Variants in SMARCA1 observed in about 807,000 individuals in gnomAD.
SMARCA1 encodes SNF2 related chromatin remodeling ATPase 1, also known as SWI/SNF-related matrix-associated actin-dependent regulator of chromatin subfamily A member 1.
In SMARCA1, 17 loss-of-function variants were observed where a neutral mutation model predicts 93.6. The observed-to-expected ratio is 0.18, with a 90% CI of 0.12 to 0.27. SMARCA1 has a LOEUF of 0.27. Among genes scored for constraint, SMARCA1 ranks in the 10% least tolerant of loss-of-function variants. The pLI is 1.00. For missense variants in SMARCA1, 630 were observed against 819.0 expected, an observed-to-expected ratio of 0.77 and a Z score of 2.82; for synonymous variants, 271 against 271.4, an observed-to-expected ratio of 1.00 and a Z score of 0.01.
chrX:129,502,473 C>T (rs982242977), intron 9 of SMARCA1, among the ~76,000 whole-genome samples: 2 of 111,485 alleles, frequency 1.8e-5, no homozygotes, highest in Admixed American at 1.9e-4. Flanking sequence ...AAAGCAATAG[C>T]CAAGATACTG....
chrX:129,495,901 T>A (rs1029571703), intron 12 of SMARCA1, among the ~76,000 whole-genome samples: 4 of 105,343 alleles, frequency 3.8e-5, no homozygotes, highest in Non-Finnish European at 7.8e-5. Flanking sequence ...GCCTCCTGAG[T>A]AGCTGGGATT....
chrX:129,523,152 A>G, intron 1 of SMARCA1, 45 bp downstream of exon 1: 1 of 1,188,096 alleles, frequency 8.4e-7, no homozygotes, highest in East Asian at 3.0e-5. Context: ...CAGAGGGGCC[A>G]GGCACAGGAT....
At chrX:129,451,414 G>A (rs1024803331) in intron 23 of SMARCA1, among the ~76,000 whole-genome samples, 1 of 111,126 alleles carries the variant, frequency 9.0e-6, no homozygotes, top group African/African-American at 3.3e-5. Context: ...AGTTGCTTGT[G>A]ACTGGAGATA....
intron 23 of SMARCA1, among the ~76,000 whole-genome samples, chrX:129,453,389 G>A (rs1371455316): frequency 9.0e-6 from 1 of 111,432 alleles, no homozygotes; most frequent in East Asian, 2.8e-4. Flanking sequence ...ACAAGAGAGA[G>A]ACAAGGATGC....
chrX:129,488,671 T>C, intron 16 of SMARCA1, among the ~76,000 whole-genome samples: 1 of 108,652 alleles, frequency 9.2e-6, no homozygotes, highest in Non-Finnish European at 1.9e-5. Flanking sequence ...AAAATTTACT[T>C]GGCTTTTAGA....
chrX:129,481,304 C>G, intron 17 of SMARCA1, 119 bp from the exon 18 acceptor site: 1 of 474,151 alleles, frequency 2.1e-6, no homozygotes, highest in Non-Finnish European at 3.6e-6. Context: ...AGAATCAAAA[C>G]TTGCCTTATA....
chrX:129,509,239 A>G (rs1013232008), intron 6 of SMARCA1, among the ~76,000 whole-genome samples: 4 of 111,232 alleles, frequency 3.6e-5, no homozygotes, highest in Non-Finnish European at 7.5e-5. Flanking sequence ...GCATAAACAA[A>G]ATTAACTGTT....
chrX:129,504,549 TAAAAAAAAAAAAAAA>T (rs780225300), intron 9 of SMARCA1, among the ~76,000 whole-genome samples, 170 bp downstream of exon 9: 21 of 24,205 alleles, frequency 8.7e-4, no homozygotes, highest in African/African-American at 2.6e-3. Context: ...CATAGAGGAA[TAAAAAAAAAAAAAAA>T]AAAAAAAAAA....
rs781230500 is a variant in SMARCA1 at position 129,490,108 on chromosome X, C to G, written c.1900G>C (p.Glu634Gln). The G allele has an allele frequency of 8.4e-7, 1 of 1,188,590 alleles. No homozygotes were observed. Among genetic ancestry groups the G allele is most frequent in the Admixed American group, 2.2e-5 (1 of 45,875 alleles). ...AGTCTCAGTTTTATCTCAGCTCTTTCTACAATCCTCTCTTCAACAGTGTTG... is the reference window on the plus strand; with the variant it reads ...AGTCTCAGTTTTATCTCAGCTCTTTGTACAATCCTCTCTTCAACAGTGTTG... The part of the protein sequence containing the change: ...TDNTVEERIV[E>Q]RAEIKLRLDS... The change falls in exon 15 of 25, where the codon GAA becomes CAA. Residue 634 changes from glutamate to glutamine, a missense_variant. Glu to Gln is a conservative substitution (Grantham distance 29, BLOSUM62 2). Around this residue, in one of 4 missense-constraint regions of SMARCA1, gnomAD observed 382 missense variants for 537.9 expected, o/e 0.71. Coordinates refer to ENST00000371121, the MANE Select transcript of SMARCA1 (RefSeq NM_001282874.2).
chrX:129,512,617 G>A (rs1409461541), intron 5 of SMARCA1, among the ~76,000 whole-genome samples: 1 of 111,741 alleles, frequency 8.9e-6, no homozygotes, highest in African/African-American at 3.2e-5. Flanking sequence ...AGGGAACTAA[G>A]TCCTTTTTCG....
intron 24 of SMARCA1, among the ~76,000 whole-genome samples, chrX:129,447,991 A>T (rs1420062694): frequency 9.0e-6 from 1 of 110,754 alleles, no homozygotes; most frequent in Non-Finnish European, 1.9e-5. Context: ...TCCTAGTTTC[A>T]ACTTCAGCCC....
chrX:129,476,801 T>C (rs1222674204), intron 19 of SMARCA1, among the ~76,000 whole-genome samples: 2 of 111,685 alleles, frequency 1.8e-5, no homozygotes, highest in Non-Finnish European at 3.8e-5. Flanking sequence ...TGAGAAGATA[T>C]GTCTAACGGT....
chrX:129,521,188 A>G (rs1189464064), intron 1 of SMARCA1, among the ~76,000 whole-genome samples: 3 of 111,937 alleles, frequency 2.7e-5, no homozygotes, highest in Admixed American at 9.5e-5. Flanking sequence ...GCCCGGCTGG[A>G]AAAATTATTT....
chrX:129,451,681 C>G (rs1268958168), intron 23 of SMARCA1, among the ~76,000 whole-genome samples: 1 of 107,027 alleles, frequency 9.3e-6, no homozygotes, highest in Non-Finnish European at 1.9e-5. Context: ...ATGTCATGTT[C>G]TCTATAGATA....
intron 9 of SMARCA1, among the ~76,000 whole-genome samples, chrX:129,503,661 G>A (rs1017894783): frequency 2.7e-5 from 3 of 111,257 alleles, no homozygotes; most frequent in Non-Finnish European, 3.8e-5. Context: ...GAGAAATTGC[G>A]ATCAAAGAAT....
At chrX:129,447,736 C>A (rs1384018775) in intron 24 of SMARCA1, among the ~76,000 whole-genome samples, 2 of 111,531 alleles carry the variant, frequency 1.8e-5, no homozygotes, top group Non-Finnish European at 3.8e-5. Flanking sequence ...CTGTGTCTTA[C>A]AATGGAAGGC....
chrX:129,468,757 C>A lies in SMARCA1; in HGVS notation c.2698+16G>T. 2 of 1,128,621 alleles carry A rather than the reference C, an allele frequency of 1.8e-6. No homozygotes were observed. Among genetic ancestry groups the A allele is most frequent in the South Asian group, 2.1e-5 (1 of 46,835 alleles). The allele number at this position is 1,128,621 out of a possible 1,213,427, so 93.0% of individuals were successfully genotyped here. A position where few individuals can be genotyped will look rare whatever the true frequency, so the allele number is the denominator to read the frequency against. On this transcript the variant is annotated intron_variant, in intron 21 of 24. Transcript: ENST00000371121. ...AACGTTAAAATACAACACCATGTTT[C>A]AAATTATATACAAACCTGAATACTC...
At position 129,447,149 on chromosome X, in the gene SMARCA1, T is replaced by G; in HGVS notation, c.*13A>C. 1 of 1,140,699 alleles carries G rather than the reference T, an allele frequency of 8.8e-7. No homozygotes were observed. The highest frequency in any genetic ancestry group is 1.2e-6 in the Non-Finnish European group (1 of 862,728). The allele number at this position is 1,140,699 out of a possible 1,213,427, so 94.0% of individuals were successfully genotyped here. ...AAATAGCAGTTTCCCATTTAAAACT[T>G]TATTTCTAGGCTTTAGGATTTCACC... On this transcript the variant is annotated 3_prime_UTR_variant, in exon 25 of 25. Transcript: ENST00000371121.
intron 2 of SMARCA1, among the ~76,000 whole-genome samples, chrX:129,518,109 C>A (rs760077633): frequency 1.8e-5 from 2 of 111,387 alleles, no homozygotes; most frequent in South Asian, 7.5e-4. Context: ...AGCACCGAAC[C>A]AAAATGAGAT....
Sources: allele counts gnomAD v4.1 joint callset (sites outside exome capture counted in the v4.1 genomes callset), GRCh38; gene constraint gnomAD v4.1.1; regional missense constraint gnomAD v4.1.1; transcripts MANE v1.5; gene names NCBI Gene and HGNC (gene_info 2026-07-23, HGNC 2026-07-21).